GRAP: variants seen among roughly 807,000 people sequenced by gnomAD.
The protein encoded by GRAP is GRB2-related adapter protein.
In GRAP, 2 loss-of-function variants were observed where a neutral mutation model predicts 9.1. That is an observed-to-expected ratio of 0.22 (90% CI 0.09 to 0.69). The LOEUF (loss-of-function observed/expected upper bound fraction) is 0.69. GRAP is among the 30% of genes least tolerant of loss of function. The pLI is 0.81. For missense variants in GRAP, 113 were observed against 179.4 expected (o/e 0.63, Z 2.12); for synonymous variants, 68 against 73.6 (o/e 0.92, Z 0.39).
In GRAP at chr17:19,027,524, A is replaced by C. The variant is rs201178724; in HGVS notation, c.300-3141T>G. Among the ~76,000 whole-genome samples, 412 of 138,972 alleles carry C rather than the reference A, an allele frequency of 3.0e-3. 4 individuals are homozygous for C. The East Asian group carries it at 0.058, about 20-fold the overall frequency. The allele number at this position is 138,972 out of a possible 152,430, so 91.2% of individuals were successfully genotyped here. A position where few individuals can be genotyped will look rare whatever the true frequency, so the allele number is the denominator to read the frequency against. On this transcript the variant is annotated intron_variant, in intron 3 of 4. Coordinates refer to ENST00000284154, the MANE Select transcript of GRAP (RefSeq NM_006613.4). The stretch of plus-strand genomic sequence containing the variant: ...CACACACACACACACACACACACAC[A>C]CCCCTACCTCTCCTGGGTTGTAAAT...
chr17:19,023,772 C>T (rs2044291547), intron 4 of GRAP, among the ~76,000 whole-genome samples: 2 of 151,920 alleles, frequency 1.3e-5, no homozygotes, highest in Non-Finnish European at 2.9e-5. Flanking sequence ...GGATGAGTCA[C>T]TGCACTCTCT....
chr17:19,050,962 C>T (rs1277228277), upstream of GRAP, among the ~76,000 whole-genome samples: 2,899 of 136,826 alleles, frequency 0.021, 126 homozygotes, highest in South Asian at 0.13. Flanking sequence ...TCACTTGAAC[C>T]TGGGAGGTGG....
At chr17:19,041,710 TG>T in intron 2 of GRAP, 96 bp downstream of exon 2, 2 of 383,958 alleles carry the variant, frequency 5.2e-6, no homozygotes, top group South Asian at 2.2e-5. Flanking sequence ...CTGTGGAGCC[TG>T]GGGGCCCCAG....
rs1474436599 is a variant in GRAP, at chr17:19,021,886, G to A, written c.*73C>T. 1.3e-5 allele frequency: 18 copies of A among 1,390,364 alleles called. No individual in the cohort carries two copies. Among genetic ancestry groups the A allele is most frequent in the African/African-American group, 3.0e-5 (2 of 67,692 alleles). The allele number at this position is 1,390,364 out of a possible 1,614,324, so 86.1% of individuals were successfully genotyped here. A position where few individuals can be genotyped will look rare whatever the true frequency, so the allele number is the denominator to read the frequency against. ...AGCCCCGTGTGACTCTGACAGAGCT[G>A]GGGGTGTCCATGTCCTCTCTGGACC... On this transcript the variant is annotated 3_prime_UTR_variant, in exon 5 of 5. Coordinates refer to ENST00000284154, the MANE Select transcript of GRAP (RefSeq NM_006613.4). The surrounding 1 kb of genome is among the most constrained non-coding windows in gnomAD (Gnocchi z 4.1).
chr17:19,021,822 G>A lies in GRAP; in HGVS notation c.*137C>T. 2 of 860,642 alleles carry A rather than the reference G, an allele frequency of 2.3e-6. No individual in the cohort carries two copies. Among genetic ancestry groups the A allele is most frequent in the Non-Finnish European group, 3.2e-6 (2 of 631,158 alleles). 53.3% of individuals were successfully genotyped at this position (860,642 alleles called of 1,614,324 possible). A position where few individuals can be genotyped will look rare whatever the true frequency, so the allele number is the denominator to read the frequency against. On this transcript the variant is annotated 3_prime_UTR_variant, in exon 5 of 5. Transcript: ENST00000284154. This position sits in a 1 kb window ranked among gnomAD's most constrained non-coding sequence, Gnocchi z 4.1. ...CCCAGTTTGTGCAGAGCGGCCGGAG[G>A]CAGTTAGGAGCCCACGTTCAGTCCA...
chr17:19,023,141 G>A (rs1172935435), intron 4 of GRAP, among the ~76,000 whole-genome samples: 1 of 152,180 alleles, frequency 6.6e-6, no homozygotes, highest in Admixed American at 6.5e-5. Flanking sequence ...GTGCCCTGAG[G>A]CTGGGAGCTC....
intron 3 of GRAP, among the ~76,000 whole-genome samples, chr17:19,025,194 CTTT>C (rs577399592): frequency 2.6e-5 from 3 of 117,520 alleles, no homozygotes; most frequent in African/African-American, 6.4e-5. Flanking sequence ...CTTTTCTTTT[CTTT>C]TTTTTTTTTT....
Position 19,020,667 on chromosome 17 carries a change from A to G in GRAP, c.*1292T>C, listed in dbSNP as rs2044249663. On this transcript the variant is annotated 3_prime_UTR_variant, in exon 5 of 5. Coordinates refer to ENST00000284154, the MANE Select transcript of GRAP (RefSeq NM_006613.4). ...CAAAGCAGTCAGCATTGGAAGGAAA[A>G]TTAGATTTCTGACGGACATCCTGAT... 3.4e-5 allele frequency: 19 copies of G among 558,424 alleles called. No homozygotes were observed. In the South Asian group the frequency reaches 4.2e-4, roughly 12 times the overall value. 34.6% of individuals were successfully genotyped at this position (558,424 alleles called of 1,614,324 possible).
upstream of GRAP, among the ~76,000 whole-genome samples, chr17:19,050,907 G>A (rs1454095437): frequency 2.0e-5 from 3 of 152,180 alleles, no homozygotes; most frequent in African/African-American, 7.2e-5. Flanking sequence ...AAATTGGCCA[G>A]GCATGGTGGC....
chr17:19,022,160 G>T lies in GRAP; in HGVS notation c.469-16C>A. Reference sequence around the variant, plus strand: ...CCCCAGGTGACTGCAAGAAGAGGAGGTGGTTAGTAGGGTGCCTTCAGAAGC... The same window carrying T: ...CCCCAGGTGACTGCAAGAAGAGGAGTTGGTTAGTAGGGTGCCTTCAGAAGC... On this transcript the variant is annotated splice_polypyrimidine_tract_variant and intron_variant, in intron 4 of 4. Coordinates refer to ENST00000284154, the MANE Select transcript of GRAP (RefSeq NM_006613.4). The T allele has an allele frequency of 7.1e-7, 1 of 1,403,902 alleles. No individual in the cohort carries two copies. Among genetic ancestry groups the T allele is most frequent in the Non-Finnish European group, 9.4e-7 (1 of 1,060,742 alleles). 87.0% of individuals were successfully genotyped at this position (1,403,902 alleles called of 1,614,324 possible). A position where few individuals can be genotyped will look rare whatever the true frequency, so the allele number is the denominator to read the frequency against.
chr17:19,023,032 T>C (rs886845669), intron 4 of GRAP, among the ~76,000 whole-genome samples: 40 of 152,210 alleles, frequency 2.6e-4, no homozygotes, highest in Non-Finnish European at 4.6e-4. Context: ...CCTAGCTCCA[T>C]CCTGGCTTCC....
rs1347527371 is a variant in GRAP at position 19,024,545 on chromosome 17, A to G, written c.300-162T>C. On this transcript the variant is annotated intron_variant, in intron 3 of 4. Transcript: ENST00000284154. The surrounding 1 kb of genome is among the most constrained non-coding windows in gnomAD (Gnocchi z 4.2). Reference sequence around the variant, plus strand: ...AGAGGCCCCACTGACCCAGCTCCACATGGGGTCTGGGGAGTCCCATCTGGC... The same window carrying G: ...AGAGGCCCCACTGACCCAGCTCCACGTGGGGTCTGGGGAGTCCCATCTGGC... The G allele has an allele frequency of 4.9e-6, 4 of 819,954 alleles. No homozygotes were observed. The South Asian group carries it at 2.2e-4, about 45-fold the overall frequency. 50.8% of individuals were successfully genotyped at this position (819,954 alleles called of 1,614,324 possible).
chr17:19,043,458 C>T (rs1242760707), intron 1 of GRAP, among the ~76,000 whole-genome samples: 1 of 152,266 alleles, frequency 6.6e-6, no homozygotes, highest in African/African-American at 2.4e-5. Flanking sequence ...AACCCCGTCT[C>T]TACTAAAAAT....
intron 2 of GRAP, among the ~76,000 whole-genome samples, chr17:19,041,486 GA>G (rs1283703413): frequency 7.0e-6 from 1 of 143,618 alleles, no homozygotes; most frequent in East Asian, 2.0e-4. Context: ...TAGGAAAACT[GA>G]GGAACAGAGG....
Position 19,024,091 on chromosome 17 carries a change from C to A in GRAP, c.468+124G>T. 1.0e-6 allele frequency: 1 copy of A among 965,806 alleles called. No homozygotes were observed. Among genetic ancestry groups the A allele is most frequent in the Non-Finnish European group, 1.6e-6 (1 of 643,570 alleles). The allele number at this position is 965,806 out of a possible 1,614,324, so 59.8% of individuals were successfully genotyped here. On this transcript the variant is annotated intron_variant, in intron 4 of 4. Coordinates refer to ENST00000284154, the MANE Select transcript of GRAP (RefSeq NM_006613.4). This position sits in a 1 kb window ranked among gnomAD's most constrained non-coding sequence, Gnocchi z 4.2. Reference sequence around the variant, plus strand: ...CGAAGCCTGGGCTGGACGCCTCTTGCAATACCAGGCTGCTGGGGAAGTGAG... The same window carrying A: ...CGAAGCCTGGGCTGGACGCCTCTTGAAATACCAGGCTGCTGGGGAAGTGAG...
Position 19,021,817 on chromosome 17 carries a change from C to G in GRAP, c.*142G>C. 1.2e-6 allele frequency: 1 copy of G among 825,786 alleles called. No homozygotes were observed. The highest frequency in any genetic ancestry group is 1.7e-6 in the Non-Finnish European group (1 of 599,372). The allele number at this position is 825,786 out of a possible 1,614,324, so 51.2% of individuals were successfully genotyped here. A position where few individuals can be genotyped will look rare whatever the true frequency, so the allele number is the denominator to read the frequency against. ...GCCATCCCAGTTTGTGCAGAGCGGC[C>G]GGAGGCAGTTAGGAGCCCACGTTCA... is the stretch of plus-strand genomic sequence containing the variant. On this transcript the variant is annotated 3_prime_UTR_variant, in exon 5 of 5. Transcript: ENST00000284154. This position sits in a 1 kb window ranked among gnomAD's most constrained non-coding sequence, Gnocchi z 4.1.
Position 19,024,304 on chromosome 17 carries a change from A to G in GRAP, c.379T>C (p.Ser127Pro), listed in dbSNP as rs1320330734. The change falls in exon 4 of 5, where the codon TCC becomes CCC. Residue 127 changes from serine to proline, a missense_variant. Ser to Pro is a moderately conservative substitution (Grantham distance 74, BLOSUM62 -1). Around this residue, in one of 2 missense-constraint regions of GRAP, gnomAD observed 113 missense variants for 163.3 expected, o/e 0.69. Transcript: ENST00000284154. The surrounding 1 kb of genome is among the most constrained non-coding windows in gnomAD (Gnocchi z 4.2). Reference protein sequence around the residue: ...KYFLWEEKFNSLNELVDFYRT... With the variant: ...KYFLWEEKFNPLNELVDFYRT... ...TAGAAGTCGACCAGCTCGTTGAGGG[A>G]GTTGAACTTCTCCTCCCACAGGAAG... 6.2e-7 allele frequency: 1 copy of G among 1,610,904 alleles called. No individual in the cohort carries two copies. Among genetic ancestry groups the G allele is most frequent in the African/African-American group, 1.3e-5 (1 of 74,944 alleles).
rs1167056026 is a variant in GRAP, at chr17:19,024,867, A to C, written c.300-484T>G. 6.6e-6 allele frequency among the ~76,000 whole-genome samples: 1 copy of C among 152,026 alleles called. No homozygotes were observed. The highest frequency in any genetic ancestry group is 1.9e-4 in the East Asian group (1 of 5,174). ...CAGAGTCCCTTGGGGAGCAAGTCCTAGACTCATCCTGACTCAGACCAAAGC... is the reference window on the plus strand; with the variant it reads ...CAGAGTCCCTTGGGGAGCAAGTCCTCGACTCATCCTGACTCAGACCAAAGC... On this transcript the variant is annotated intron_variant, in intron 3 of 4. Coordinates refer to ENST00000284154, the MANE Select transcript of GRAP (RefSeq NM_006613.4). This position sits in a 1 kb window ranked among gnomAD's most constrained non-coding sequence, Gnocchi z 4.2.
chr17:19,022,201 C>T (rs1292725331), intron 4 of GRAP, 57 bp from the exon 5 acceptor site: 3 of 963,786 alleles, frequency 3.1e-6, no homozygotes, highest in Non-Finnish European at 4.4e-6. Flanking sequence ...AACCCACCCT[C>T]CCTCAGAGGC....
Sources: gnomAD v4.1 joint callset for allele counts (sites outside exome capture counted in the v4.1 genomes callset) on GRCh38, gnomAD v4.1.1 for gene constraint, gnomAD v4.1.1 regional missense constraint, Gnocchi (gnomAD v3.1) non-coding constraint, MANE v1.5 for transcripts, NCBI Gene and HGNC (gene_info 2026-07-23, HGNC 2026-07-21) for gene names.